MGST1: variants seen among roughly 807,000 people sequenced by gnomAD.
MGST1 encodes the protein microsomal glutathione S-transferase 1.
In MGST1, 5 loss-of-function variants were observed where a neutral mutation model predicts 8.9. The ratio of observed to expected loss-of-function variants is 0.56; its 90% confidence interval spans 0.29 to 1.19. The LOEUF (loss-of-function observed/expected upper bound fraction) is 1.19, where lower values mean the gene tolerates loss of function less well. MGST1 is among the 50% of genes most tolerant of loss of function. The pLI is 0.08. For missense variants in MGST1, 182 were observed against 187.4 expected, an observed-to-expected ratio of 0.97 and a Z score of 0.17; for synonymous variants, 54 against 67.8, an observed-to-expected ratio of 0.80 and a Z score of 1.00.
intron 4 of MGST1, among the ~76,000 whole-genome samples, chr12:16,506,768 A>G (rs1408210928): frequency 2.0e-5 from 3 of 152,204 alleles, no homozygotes; most frequent in African/African-American, 7.2e-5. Context: ...AAAAAAGACT[A>G]CTTTTTCTTG....
chr12:16,507,829 T>A (rs1941549486), intron 4 of MGST1, among the ~76,000 whole-genome samples: 1 of 151,550 alleles, frequency 6.6e-6, no homozygotes, highest in Non-Finnish European at 1.5e-5. Flanking sequence ...ATTAGCCCCC[T>A]CCCCCAACAT....
intron 4 of MGST1, among the ~76,000 whole-genome samples, chr12:16,465,990 T>C (rs1371000905): frequency 6.6e-6 from 1 of 152,230 alleles, no homozygotes; most frequent in South Asian, 2.1e-4. Context: ...ATATAGCTAA[T>C]AACTCTTATT....
In MGST1 at chr12:16,565,983, C is replaced by CATATATATAT. The variant is rs61358392; in HGVS notation, n.483-23497_483-23488dup. On this transcript the variant is annotated intron_variant and non_coding_transcript_variant, in intron 4 of 4. Transcript: ENST00000538857. ...GGATGAATGGATGAAGAAAATGTGC[C>CATATATATAT]ATATATATATATATATATATATATA... Among the ~76,000 whole-genome samples, 29 of 43,850 alleles carry CATATATATAT rather than the reference C, an allele frequency of 6.6e-4. 1 individual carries two copies. Among genetic ancestry groups the CATATATATAT allele is most frequent in the Non-Finnish European group, 7.0e-4 (16 of 22,902 alleles). The allele number at this position is 43,850 out of a possible 152,430, so 28.8% of individuals were successfully genotyped here.
Position 16,513,267 on chromosome 12 carries a change from T to C in MGST1, n.483-76261T>C, listed in dbSNP as rs1941588136. Among the ~76,000 whole-genome samples, 1 of 152,222 alleles carries C rather than the reference T, an allele frequency of 6.6e-6. No individual in the cohort carries two copies. The highest frequency in any genetic ancestry group is 1.5e-5 in the Non-Finnish European group (1 of 68,042). Reference sequence around the variant, plus strand: ...GAATTCTCCCATAACTTATTTCCTGTTTTAGCTCTCCCTGCTTACTCTGAT... The same window carrying C: ...GAATTCTCCCATAACTTATTTCCTGCTTTAGCTCTCCCTGCTTACTCTGAT... On this transcript the variant is annotated intron_variant and non_coding_transcript_variant, in intron 4 of 4. Transcript: ENST00000538857. This position sits in a 1 kb window ranked among gnomAD's most constrained non-coding sequence, Gnocchi z 4.2.
intron 4 of MGST1, among the ~76,000 whole-genome samples, chr12:16,539,602 T>C (rs570203584): frequency 6.6e-6 from 1 of 152,298 alleles, no homozygotes; most frequent in Admixed American, 6.5e-5. Flanking sequence ...ATTTGTCAAC[T>C]GTATCAGCTG....
chr12:16,579,889 T>G (rs1268405661), intron 4 of MGST1, among the ~76,000 whole-genome samples: 1 of 152,220 alleles, frequency 6.6e-6, no homozygotes, highest in East Asian at 1.9e-4. Context: ...CATTGTTATT[T>G]ATACCCACTA....
At chr12:16,521,166 C>G (rs1285745674) in intron 4 of MGST1, among the ~76,000 whole-genome samples, 2 of 152,052 alleles carry the variant, frequency 1.3e-5, no homozygotes, top group African/African-American at 4.8e-5. Flanking sequence ...ATACTTAATG[C>G]AGCTGCTTTA....
chr12:16,375,688 C>T (rs1255930971), intron 3 of MGST1, among the ~76,000 whole-genome samples: 1 of 151,782 alleles, frequency 6.6e-6, no homozygotes, highest in Admixed American at 6.6e-5. Context: ...AAATCAAATA[C>T]GTAGAAACTC....
intron 4 of MGST1, among the ~76,000 whole-genome samples, chr12:16,459,161 T>G (rs1941201353): frequency 6.6e-6 from 1 of 152,106 alleles, no homozygotes; most frequent in Non-Finnish European, 1.5e-5. Flanking sequence ...CAGTTATTAT[T>G]TGGTTCTTCC....
chr12:16,492,010 A>G (rs1453970455), intron 4 of MGST1, among the ~76,000 whole-genome samples: 2 of 152,154 alleles, frequency 1.3e-5, no homozygotes, highest in Non-Finnish European at 2.9e-5. Flanking sequence ...TTCTCTTATT[A>G]TCATTATTTA....
intron 1 of MGST1, among the ~76,000 whole-genome samples, chr12:16,387,587 G>A (rs539228051): frequency 1.8e-4 from 28 of 151,506 alleles, no homozygotes; most frequent in Non-Finnish European, 3.7e-4. Flanking sequence ...AGTGCAGTGG[G>A]GCTATCTCGG....
At chr12:16,372,836 A>G in intron 3 of MGST1, among the ~76,000 whole-genome samples, 1 of 146,078 alleles carries the variant, frequency 6.8e-6, no homozygotes, top group Non-Finnish European at 1.5e-5. Context: ...ATAATATTCC[A>G]TTATATATTA....
intron 4 of MGST1, among the ~76,000 whole-genome samples, chr12:16,526,513 A>C (rs934809132): frequency 2.6e-5 from 4 of 151,994 alleles, no homozygotes; most frequent in Admixed American, 2.6e-4. Flanking sequence ...GAATATTGTT[A>C]AGATTTTTTT....
At chr12:16,347,240 C>T (rs1419932923), upstream of MGST1, 3 of 152,238 alleles carry the variant, frequency 2.0e-5, no homozygotes, top group Non-Finnish European at 4.4e-5. This position sits in a 1 kb window ranked among gnomAD's most constrained non-coding sequence, Gnocchi z 4.0. Flanking sequence ...TTAAGGAGGC[C>T]TTGCCACCAG....
chr12:16,386,881 A>G (rs1049641228), intron 1 of MGST1, among the ~76,000 whole-genome samples: 1 of 152,200 alleles, frequency 6.6e-6, no homozygotes, highest in Admixed American at 6.5e-5. Flanking sequence ...TTATCTTTTT[A>G]TCAAGCGTCT....
At position 16,363,662 on chromosome 12, in the gene MGST1, G is replaced by GA. The variant is rs1254853509; in HGVS notation, c.222-125dup. The stretch of plus-strand genomic sequence containing the variant: ...GGCAAGGAAGCAAGACAATTTGAGA[G>GA]AAAAAAAATAAATCTTACTTTGAAA... On this transcript the variant is annotated intron_variant, in intron 3 of 3. Transcript: ENST00000396210. This position sits in a 1 kb window ranked among gnomAD's most constrained non-coding sequence, Gnocchi z 4.6. 4.4e-5 allele frequency: 32 copies of GA among 726,018 alleles called. No homozygotes were observed. Among genetic ancestry groups the GA allele is most frequent in the South Asian group, 8.6e-5 (2 of 23,188 alleles). 45.0% of individuals were successfully genotyped at this position (726,018 alleles called of 1,614,324 possible). A position where few individuals can be genotyped will look rare whatever the true frequency, so the allele number is the denominator to read the frequency against.
intron 4 of MGST1, among the ~76,000 whole-genome samples, chr12:16,540,334 G>C (rs1941785179): frequency 6.6e-6 from 1 of 152,136 alleles, no homozygotes; most frequent in South Asian, 2.1e-4. Context: ...GTGCAGAGCT[G>C]TGATCATGGC....
At chr12:16,463,982 A>G (rs1293326768) in intron 4 of MGST1, among the ~76,000 whole-genome samples, 3 of 152,232 alleles carry the variant, frequency 2.0e-5, no homozygotes, top group South Asian at 2.1e-4. Context: ...GCCACAGGGC[A>G]TGGTTGTTAA....
At chr12:16,359,602 A>G (rs1056548347) in intron 3 of MGST1, among the ~76,000 whole-genome samples, 1 of 152,176 alleles carries the variant, frequency 6.6e-6, no homozygotes, top group Admixed American at 6.5e-5. Context: ...TATGTGTTAG[A>G]CGAAAAAAAA....
Sources: gnomAD v4.1 joint callset for allele counts (sites outside exome capture counted in the v4.1 genomes callset) on GRCh38, gnomAD v4.1.1 for gene constraint, Gnocchi (gnomAD v3.1) non-coding constraint, MANE v1.5 for transcripts, NCBI Gene and HGNC (gene_info 2026-07-23, HGNC 2026-07-21) for gene names.